Variants in SLMAP observed in about 807,000 individuals in gnomAD.
SLMAP encodes the protein sarcolemma associated protein.
A neutral mutation model predicts 128.8 loss-of-function variants in SLMAP; 44 were observed. The observed-to-expected ratio is 0.34, with a 90% CI of 0.27 to 0.44. The LOEUF is 0.44. Among genes scored for constraint, SLMAP ranks in the 20% least tolerant of loss-of-function variants. The probability of loss-of-function intolerance (pLI) is 1.00; values close to 1 mark genes in which losing one functional copy is unlikely to be tolerated. For missense variants in SLMAP, 787 were observed against 985.3 expected (o/e 0.80, Z 2.69); for synonymous variants, 327 against 348.8 (o/e 0.94, Z 0.70).
chr3:57,865,535 A>G lies in SLMAP; in HGVS notation c.1237+243A>G, dbSNP rs6788673. On this transcript the variant is annotated intron_variant, in intron 13 of 24. Transcript: ENST00000671191. ...CTCAAATCAGAAAATTATTAAGTTC[A>G]CCTTTAGCAATATATAATATAGATC... 1.3e-3 allele frequency among the ~76,000 whole-genome samples: 194 copies of G among 152,244 alleles called. 1 individual carries two copies. Among genetic ancestry groups the G allele is most frequent in the African/African-American group, 4.3e-3 (177 of 41,540 alleles).
intron 19 of SLMAP, 80 bp downstream of exon 19, chr3:57,909,230 C>A: frequency 9.8e-7 from 1 of 1,020,316 alleles, no homozygotes; most frequent in Non-Finnish European, 1.5e-6. Flanking sequence ...AGGCCAGGCG[C>A]AGTGGCTCAT....
At chr3:57,764,292 A>C (rs1199508393) in intron 2 of SLMAP, among the ~76,000 whole-genome samples, 1 of 152,124 alleles carries the variant, frequency 6.6e-6, no homozygotes, top group African/African-American at 2.4e-5. Flanking sequence ...ACCTGAGGTC[A>C]GGAGTTTGAG....
intron 2 of SLMAP, among the ~76,000 whole-genome samples, chr3:57,802,805 C>T (rs2088867612): frequency 6.6e-6 from 1 of 152,138 alleles, no homozygotes; most frequent in South Asian, 2.1e-4. Context: ...ATGAACAGTA[C>T]TGCCAGGAAC....
rs191604777 is a variant in SLMAP at position 57,904,728 on chromosome 3, A to G, written c.1502-3156A>G. Among the ~76,000 whole-genome samples the G allele has an allele frequency of 2.1e-3, 324 of 152,202 alleles. 5 individuals are homozygous for G. The highest frequency in any genetic ancestry group is 3.8e-3 in the South Asian group (18 of 4,794). On this transcript the variant is annotated intron_variant, in intron 17 of 24. Transcript: ENST00000671191. ...TTTATCTCCCAGGGGACATTTGGCA[A>G]TATCTGGAGACATTTTAGTTGTTGT...
rs750129009 is a variant in SLMAP at position 57,864,713 on chromosome 3, C to A, written c.1132C>A (p.Gln378Lys). Residue 378 changes from glutamine to lysine, a missense_variant, in exon 11 of 25, where the codon CAA (glutamine) becomes AAA (lysine). Coordinates refer to ENST00000671191, the MANE Select transcript of SLMAP (RefSeq NM_001377540.1). ...DFTNERLTAL[Q>K]VRLEHLQEKT... Reference sequence around the variant, plus strand: ...CACCAATGAAAGGCTAACAGCTTTACAAGGTAAGTAGCTAATCCAGAAATT... The same window carrying A: ...CACCAATGAAAGGCTAACAGCTTTAAAAGGTAAGTAGCTAATCCAGAAATT... 62 of 1,588,562 alleles carry A rather than the reference C, an allele frequency of 3.9e-5. No individual in the cohort carries two copies. Among genetic ancestry groups the A allele is most frequent in the Non-Finnish European group, 5.3e-5 (62 of 1,172,288 alleles).
In SLMAP at chr3:57,901,142, C is replaced by T. The variant is rs1192641940; in HGVS notation, c.1501+4210C>T. The T allele has an allele frequency of 2.6e-5, 4 of 152,278 alleles. No homozygotes were observed. The South Asian group carries it at 8.3e-4, about 32-fold the overall frequency. 9.4% of individuals were successfully genotyped at this position (152,278 alleles called of 1,614,324 possible). Reference sequence around the variant, plus strand: ...TTGGCTGAACCCATTCTTTGGGCTTCTCCCATATGGTTCCCTGCATGGTGT... The same window carrying T: ...TTGGCTGAACCCATTCTTTGGGCTTTTCCCATATGGTTCCCTGCATGGTGT... On this transcript the variant is annotated intron_variant, in intron 17 of 24. Transcript: ENST00000671191.
intron 19 of SLMAP, among the ~76,000 whole-genome samples, chr3:57,911,228 C>G (rs1253937703): frequency 1.3e-5 from 2 of 152,104 alleles, no homozygotes; most frequent in Non-Finnish European, 2.9e-5. Flanking sequence ...ACTGTATCAA[C>G]AAATCATGAT....
intron 17 of SLMAP, among the ~76,000 whole-genome samples, chr3:57,905,663 A>G (rs1439455550): frequency 6.6e-6 from 1 of 152,170 alleles, no homozygotes; most frequent in East Asian, 1.9e-4. Flanking sequence ...ATTTATCTGC[A>G]ACGTATTTAT....
intron 2 of SLMAP, among the ~76,000 whole-genome samples, chr3:57,774,351 G>A (rs1278721078): frequency 1.3e-5 from 2 of 151,988 alleles, no homozygotes; most frequent in African/African-American, 4.8e-5. Flanking sequence ...TTTGAATAAT[G>A]TGTGAAAAAA....
intron 3 of SLMAP, among the ~76,000 whole-genome samples, chr3:57,836,273 C>T (rs1238656855): frequency 6.6e-6 from 1 of 151,770 alleles, no homozygotes; most frequent in East Asian, 1.9e-4. Flanking sequence ...GGAAAGGTTA[C>T]TAGAACTACA....
chr3:57,786,119 G>A (rs893211158), intron 2 of SLMAP, among the ~76,000 whole-genome samples: 2 of 152,162 alleles, frequency 1.3e-5, no homozygotes, highest in African/African-American at 4.8e-5. Context: ...TATTATAAAG[G>A]AGGATCATCC....
At chr3:57,781,003 C>T (rs539789681) in intron 2 of SLMAP, among the ~76,000 whole-genome samples, 1 of 150,872 alleles carries the variant, frequency 6.6e-6, no homozygotes, top group Admixed American at 6.6e-5. Context: ...TATGTATGCA[C>T]ATATATATAT....
chr3:57,830,733 C>A (rs2093284035), intron 2 of SLMAP, among the ~76,000 whole-genome samples: 1 of 152,202 alleles, frequency 6.6e-6, no homozygotes, highest in Admixed American at 6.5e-5. Context: ...CCCATTCCTA[C>A]CTGCCACTTC....
chr3:57,924,785 A>G (rs2096973085), intron 23 of SLMAP, among the ~76,000 whole-genome samples: 1 of 152,054 alleles, frequency 6.6e-6, no homozygotes. Flanking sequence ...TCTAATAAGC[A>G]AAAGAGCTTT....
intron 5 of SLMAP, 41 bp from the exon 6 acceptor site, chr3:57,849,713 T>A (rs1455655356): frequency 9.4e-7 from 1 of 1,059,754 alleles, no homozygotes; most frequent in Non-Finnish European, 1.5e-6. Context: ...TAATGTTCTT[T>A]ATGAAGTGTT....
chr3:57,908,121 A>G, intron 18 of SLMAP, 115 bp downstream of exon 18: 1 of 942,324 alleles, frequency 1.1e-6, no homozygotes. Context: ...TTTATGAGAT[A>G]TGTGATCTTG....
At chr3:57,772,362 T>A (rs993774093) in intron 2 of SLMAP, among the ~76,000 whole-genome samples, 4 of 152,224 alleles carry the variant, frequency 2.6e-5, no homozygotes, top group African/African-American at 9.6e-5. Context: ...TTAAGAAGAA[T>A]AGCAGTATGT....
intron 17 of SLMAP, 116 bp from the exon 18 acceptor site, chr3:57,907,768 C>T: frequency 2.2e-6 from 2 of 909,840 alleles, no homozygotes; most frequent in Non-Finnish European, 3.1e-6. Flanking sequence ...TTTTATTTAA[C>T]TCAGTTGTTC....
At chr3:57,847,574 A>G (rs62259035) in intron 5 of SLMAP, among the ~76,000 whole-genome samples, 47,170 of 152,028 alleles carry the variant, frequency 0.31, 7,664 homozygotes, top group East Asian at 0.48. Flanking sequence ...CTACCTAAAT[A>G]GTTCACTCAA....
Sources: allele counts gnomAD v4.1 joint callset (sites outside exome capture counted in the v4.1 genomes callset), GRCh38; gene constraint gnomAD v4.1.1; transcripts MANE v1.5; gene names NCBI Gene and HGNC (gene_info 2026-07-23, HGNC 2026-07-21).